Variants in MIER1 observed in about 807,000 individuals in gnomAD.
The protein encoded by MIER1 is mesoderm induction early response protein 1.
In MIER1, 40 loss-of-function variants were observed where a neutral mutation model predicts 75.7. The observed-to-expected ratio is 0.53, with a 90% confidence interval of 0.41 to 0.69. The LOEUF is 0.69. Among genes scored for constraint, MIER1 ranks in the 30% least tolerant of loss-of-function variants. MIER1 has a pLI of 0.00. For synonymous variants in MIER1, 213 were observed against 223.4 expected (o/e 0.95, Z 0.42); for missense variants, 574 against 680.2 (o/e 0.84, Z 1.74).
rs570147013 is a variant in MIER1, at chr1:66,953,850, C to G, written c.340-4209C>G. Among the ~76,000 whole-genome samples, 5 of 152,108 alleles carry G rather than the reference C, an allele frequency of 3.3e-5. No homozygotes were observed. In the South Asian group the frequency reaches 1.0e-3, roughly 32 times the overall value. Reference sequence around the variant, plus strand: ...AACTCCTGATCTCAAGTGATCTGTCCCCCTCAGTCTCCCAAAGTACTGGGA... The same window carrying G: ...AACTCCTGATCTCAAGTGATCTGTCGCCCTCAGTCTCCCAAAGTACTGGGA... On this transcript the variant is annotated intron_variant, in intron 4 of 13. Coordinates refer to ENST00000401041, the MANE Select transcript of MIER1 (RefSeq NM_001077700.3).
intron 4 of MIER1, among the ~76,000 whole-genome samples, chr1:66,956,540 TCTTGGTACATGGACCAGATA>T (rs749919787): frequency 8.5e-5 from 13 of 152,220 alleles, no homozygotes. Flanking sequence ...TGTACCAGAT[TCTTGGTACATGGACCAGATA>T]CTTGAACACT....
intron 12 of MIER1, among the ~76,000 whole-genome samples, chr1:66,981,165 A>G (rs1217383069): frequency 6.6e-6 from 1 of 152,220 alleles, no homozygotes; most frequent in Non-Finnish European, 1.5e-5. Context: ...AGATCTGCTC[A>G]CCAATGTCAC....
intron 4 of MIER1, among the ~76,000 whole-genome samples, chr1:66,951,704 T>C (rs1047305722): frequency 6.6e-5 from 10 of 152,144 alleles, no homozygotes; most frequent in African/African-American, 1.9e-4. Flanking sequence ...CTCAGCCTCT[T>C]GAGTAGCTAG....
intron 6 of MIER1, 107 bp downstream of exon 6, chr1:66,959,090 CTTTTCAACAGTAAATGGATT>C: frequency 1.1e-6 from 1 of 921,278 alleles, no homozygotes; most frequent in Admixed American, 2.5e-5. Context: ...GTCTGAAATT[CTTTTCAACAGTAAATGGATT>C]TTGTTGTAAG....
rs1215522897 is a variant in MIER1, at chr1:66,925,002, G to C, written c.-27G>C. 1.9e-6 allele frequency: 3 copies of C among 1,545,378 alleles called. No homozygotes were observed. In the East Asian group the frequency reaches 7.3e-5, roughly 38 times the overall value. On this transcript the variant is annotated 5_prime_UTR_variant, in exon 1 of 14. Transcript: ENST00000401041. ...CGGCCCGGGCCTCAGGCCCCTCCCA[G>C]GCTCTGAGTCTCCCGGCTGCAGGCG...
chr1:66,959,940 CG>C (rs1333275683), intron 7 of MIER1, 197 bp downstream of exon 7: 2 of 293,162 alleles, frequency 6.8e-6, no homozygotes, highest in Admixed American at 1.1e-4. Context: ...ACATTTCTGG[CG>C]GGGTGTGGTG....
intron 6 of MIER1, 36 bp from the exon 7 acceptor site, chr1:66,959,643 A>C: frequency 1.0e-6 from 1 of 981,586 alleles, no homozygotes; most frequent in Non-Finnish European, 1.5e-6. Context: ...CAGGATAAGC[A>C]GTCATTTTAT....
At position 66,927,874 on chromosome 1, in the gene MIER1, A is replaced by G. The variant is rs182351893; in HGVS notation, c.168+1632A>G. 1.6e-3 allele frequency among the ~76,000 whole-genome samples: 237 copies of G among 152,200 alleles called. 2 individuals carry two copies. The highest frequency in any genetic ancestry group is 2.0e-3 in the Non-Finnish European group (135 of 67,938). On this transcript the variant is annotated intron_variant, in intron 2 of 13. Coordinates refer to ENST00000401041, the MANE Select transcript of MIER1 (RefSeq NM_001077700.3). ...TCTCTAAGGTCCCATCCAACACTAAAATTCTATAACTAGTGAATAGTTAAT... is the reference window on the plus strand; with the variant it reads ...TCTCTAAGGTCCCATCCAACACTAAGATTCTATAACTAGTGAATAGTTAAT...
rs1381939643 is a variant in MIER1, at chr1:66,972,193, AC to A, written c.1006+463del. 2.8e-5 allele frequency among the ~76,000 whole-genome samples: 4 copies of A among 144,276 alleles called. No individual in the cohort carries two copies. The East Asian group carries it at 6.0e-4, about 22-fold the overall frequency. The allele number at this position is 144,276 out of a possible 152,430, so 94.7% of individuals were successfully genotyped here. A position where few individuals can be genotyped will look rare whatever the true frequency, so the allele number is the denominator to read the frequency against. On this transcript the variant is annotated intron_variant, in intron 10 of 13. Transcript: ENST00000401041. ...CTTTTTTATACTATATCTGGCTCCT[AC>A]CCCCCTTCACTAAGAGTACTACATA...
At chr1:66,983,139 C>T (rs184188062) in intron 13 of MIER1, among the ~76,000 whole-genome samples, 148 of 152,238 alleles carry the variant, frequency 9.7e-4, no homozygotes, top group Non-Finnish European at 1.5e-3. Context: ...ACATTACGTA[C>T]AGTCAAAACT....
chr1:66,926,442 G>A (rs1651797163), intron 2 of MIER1, among the ~76,000 whole-genome samples, 200 bp downstream of exon 2: 1 of 151,976 alleles, frequency 6.6e-6, no homozygotes, highest in Non-Finnish European at 1.5e-5. Flanking sequence ...GATAAAATGG[G>A]GCCACTGGAT....
At chr1:66,969,252 T>C (rs1031856598) in intron 8 of MIER1, among the ~76,000 whole-genome samples, 2 of 151,970 alleles carry the variant, frequency 1.3e-5, no homozygotes, top group African/African-American at 4.8e-5. Context: ...ATAATTCATG[T>C]GAAAATAATA....
chr1:66,982,623 A>C (rs1339106346), intron 13 of MIER1, among the ~76,000 whole-genome samples: 2 of 152,298 alleles, frequency 1.3e-5, no homozygotes, highest in East Asian at 3.9e-4. Flanking sequence ...CGCCACCCCC[A>C]GCTCCTCTGA....
chr1:66,959,101 T>A (rs1660732067), intron 6 of MIER1, 118 bp downstream of exon 6: 1 of 835,702 alleles, frequency 1.2e-6, no homozygotes, highest in Non-Finnish European at 1.9e-6. Flanking sequence ...TTTTCAACAG[T>A]AAATGGATTT....
chr1:66,925,497 A>G, intron 1 of MIER1: 1 of 985,314 alleles, frequency 1.0e-6, no homozygotes, highest in African/African-American at 1.7e-5. Context: ...CTTGTGTCCC[A>G]TCCCCGGGAG....
chr1:66,925,142 G>C, intron 1 of MIER1, 47 bp downstream of exon 1: 1 of 1,538,388 alleles, frequency 6.5e-7, no homozygotes, highest in Non-Finnish European at 8.7e-7. Flanking sequence ...ATTCCAGTTT[G>C]GGATGAGGGG....
intron 7 of MIER1, 145 bp from the exon 8 acceptor site, chr1:66,962,943 A>G (rs1389332617): frequency 1.9e-6 from 1 of 529,084 alleles, no homozygotes; most frequent in Non-Finnish European, 3.4e-6. Flanking sequence ...CATCTTCACA[A>G]AGGTACCTCT....
At chr1:66,946,829 TTCAATA>T in intron 4 of MIER1, 1 of 985,138 alleles carries the variant, frequency 1.0e-6, no homozygotes, top group Non-Finnish European at 1.2e-6. Flanking sequence ...CTCAGCAGTA[TTCAATA>T]TAGTTTAACA....
Position 66,984,864 on chromosome 1 carries a change from T to C in MIER1, c.1662T>C (p.His554=). The C allele has an allele frequency of 6.3e-7, 1 of 1,597,256 alleles. No individual in the cohort carries two copies. Among genetic ancestry groups the C allele is most frequent in the South Asian group, 1.1e-5 (1 of 87,188 alleles). The part of the protein sequence containing the change: ...SSEFFQEAVS[H]GKFEELENTD... ...AATTTTTCCAAGAAGCAGTCTCACATGGGAAATTTGAAGAACTTGAAAACA... is the reference window on the plus strand; with the variant it reads ...AATTTTTCCAAGAAGCAGTCTCACACGGGAAATTTGAAGAACTTGAAAACA... Residue 554 remains histidine, a synonymous_variant, in exon 14 of 14, where the codon CAT becomes CAC. Coordinates refer to ENST00000401041, the MANE Select transcript of MIER1 (RefSeq NM_001077700.3).
Sources: allele counts gnomAD v4.1 joint callset (sites outside exome capture counted in the v4.1 genomes callset), GRCh38; gene constraint gnomAD v4.1.1; transcripts MANE v1.5; gene names NCBI Gene and HGNC (gene_info 2026-07-23, HGNC 2026-07-21).